The following A2M variants were observed in gnomAD, a reference collection of about 807,000 sequenced individuals.
A2M encodes C3 and PZP-like alpha-2-macroglobulin domain-containing protein 5.
Under a neutral mutation model 183.9 loss-of-function variants are expected in A2M, and 128 were observed. The observed-to-expected ratio is 0.70, with a 90% confidence interval of 0.60 to 0.81. A2M has a LOEUF of 0.81. A2M is among the 30% of genes least tolerant of loss of function. The probability of loss-of-function intolerance (pLI) is 0.00; values close to 1 mark genes in which losing one functional copy is unlikely to be tolerated. For missense variants in A2M, 1,495 were observed against 1,787.6 expected (o/e 0.84, Z 2.95); for synonymous variants, 592 against 670.8 (o/e 0.88, Z 1.81).
At chr12:9,101,728 T>G in intron 11 of A2M, 54 bp from the exon 12 acceptor site, 1 of 1,386,088 alleles carries the variant, frequency 7.2e-7, no homozygotes, top group Non-Finnish European at 9.9e-7. Context: ...TAAAGATTAA[T>G]GTTCTCACAA....
chr12:9,097,632 CTTT>C (rs34844537), intron 15 of A2M, among the ~76,000 whole-genome samples: 34 of 127,074 alleles, frequency 2.7e-4, no homozygotes, highest in Admixed American at 3.3e-4. Context: ...TGATGTAATT[CTTT>C]TTTTTTTTTT....
intron 2 of A2M, 193 bp from the exon 3 acceptor site, chr12:9,112,729 G>A (rs1053418148): frequency 1.9e-5 from 11 of 584,188 alleles, no homozygotes; most frequent in Admixed American, 3.0e-5. Flanking sequence ...ACAAGGTGGA[G>A]GAAAATAAAT....
intron 16 of A2M, 98 bp from the exon 17 acceptor site, chr12:9,095,182 CTTAAA>C (rs1323843601): frequency 5.0e-5 from 31 of 624,116 alleles, no homozygotes; most frequent in Middle Eastern, 4.3e-4. Flanking sequence ...ATCCAGTTAA[CTTAAA>C]TTAAACTTTT....
chr12:9,083,088 C>T (rs1189947963), intron 22 of A2M, among the ~76,000 whole-genome samples: 2 of 152,122 alleles, frequency 1.3e-5, no homozygotes, highest in Admixed American at 1.3e-4. Flanking sequence ...CTGTTGTTTC[C>T]TGGGACATGG....
At chr12:9,112,780 G>A in intron 2 of A2M, 1 of 485,444 alleles carries the variant, frequency 2.1e-6, no homozygotes, top group Non-Finnish European at 3.7e-6. Context: ...CCTTCATACA[G>A]CTCACAGAAA....
intron 6 of A2M, 95 bp downstream of exon 6, chr12:9,109,772 G>T: frequency 8.0e-7 from 1 of 1,252,244 alleles, no homozygotes; most frequent in Non-Finnish European, 1.1e-6. Context: ...TGTCACCCAT[G>T]GGAAATGGAA....
At chr12:9,093,653 C>G (rs201074830) in intron 17 of A2M, 74 bp from the exon 18 acceptor site, 3 of 751,118 alleles carry the variant, frequency 4.0e-6, no homozygotes, top group African/African-American at 3.8e-5. Context: ...ATAGTTGCCA[C>G]CAAAAAAAAA....
At chr12:9,070,045 G>A (rs1312458435) in intron 32 of A2M, among the ~76,000 whole-genome samples, 1 of 152,238 alleles carries the variant, frequency 6.6e-6, no homozygotes, top group Non-Finnish European at 1.5e-5. Flanking sequence ...AGACAGCTAA[G>A]TATCCTAAAC....
In A2M at chr12:9,079,306, T is replaced by A; in HGVS notation, c.3057A>T (p.Lys1019Asn). 6.2e-7 allele frequency: 1 copy of A among 1,613,784 alleles called. No homozygotes were observed. Among genetic ancestry groups the A allele is most frequent in the Non-Finnish European group, 8.5e-7 (1 of 1,179,798 alleles). The change falls in exon 25 of 36, where the codon AAA becomes AAT. Residue 1019 changes from lysine (K) to asparagine (N), a missense_variant. Physicochemically the swap from Lys to Asn is moderately conservative, Grantham distance 94 (BLOSUM62 0). Coordinates refer to ENST00000318602, the MANE Select transcript of A2M (RefSeq NM_000014.6). Reference sequence around the variant, plus strand: ...AGGTGCTGTAGGAGCCATCATAGTGTTTGTAGTTCAACTGTCTCTGGTAAC... The same window carrying A: ...AGGTGCTGTAGGAGCCATCATAGTGATTGTAGTTCAACTGTCTCTGGTAAC... ...NTGYQRQLNY[K>N]HYDGSYSTFG...
At chr12:9,103,104 A>G (rs1352212129) in intron 11 of A2M, among the ~76,000 whole-genome samples, 1 of 152,194 alleles carries the variant, frequency 6.6e-6, no homozygotes, top group African/African-American at 2.4e-5. Context: ...GAATAGCAAG[A>G]CAAAATAAAG....
intron 4 of A2M, among the ~76,000 whole-genome samples, chr12:9,110,640 C>T (rs1383978055): frequency 6.6e-6 from 1 of 151,666 alleles, no homozygotes; most frequent in Non-Finnish European, 1.5e-5. Context: ...TTATCATGCA[C>T]TGCATGCCTG....
At chr12:9,078,093 G>A (rs1342268726) in intron 25 of A2M, among the ~76,000 whole-genome samples, 6 of 152,056 alleles carry the variant, frequency 3.9e-5, no homozygotes, top group South Asian at 4.2e-4. Context: ...TTTTAGTTCC[G>A]AGATACATGT....
chr12:9,072,512 G>GT, intron 30 of A2M, 26 bp from the exon 31 acceptor site: 1 of 1,604,428 alleles, frequency 6.2e-7, no homozygotes, highest in Non-Finnish European at 8.5e-7. Flanking sequence ...GACAAAATCA[G>GT]TTTTTTGCCC....
chr12:9,101,905 G>C (rs1433457996), intron 11 of A2M, among the ~76,000 whole-genome samples: 1 of 152,054 alleles, frequency 6.6e-6, no homozygotes, highest in African/African-American at 2.4e-5. Context: ...TATTTCTTAA[G>C]AGCATAAAAG....
intron 14 of A2M, 128 bp from the exon 15 acceptor site, chr12:9,098,884 T>C: frequency 9.9e-7 from 1 of 1,005,382 alleles, no homozygotes; most frequent in Non-Finnish European, 1.4e-6. Context: ...AGGGTTGGCA[T>C]TGTGTCAATC....
In A2M at chr12:9,101,139, C is replaced by A; in HGVS notation, c.1558+5G>T. The A allele has an allele frequency of 6.4e-7, 1 of 1,558,134 alleles. No individual in the cohort carries two copies. The highest frequency in any genetic ancestry group is 8.7e-7 in the Non-Finnish European group (1 of 1,150,258). ...CAGCAATGCAGAGATGATGGAAATA[C>A]TCACTGTCTTCCTGCTTCACAAGCA... On this transcript the variant is annotated splice_donor_5th_base_variant and intron_variant, in intron 13 of 35. Coordinates refer to ENST00000318602, the MANE Select transcript of A2M (RefSeq NM_000014.6).
chr12:9,101,756 G>A, intron 11 of A2M, 82 bp from the exon 12 acceptor site: 2 of 1,113,936 alleles, frequency 1.8e-6, no homozygotes, highest in Non-Finnish European at 2.6e-6. Flanking sequence ...TAAGTTTACT[G>A]TCCTACCTTA....
chr12:9,068,787 C>A lies in A2M; in HGVS notation c.4319G>T (p.Arg1440Ile). ...TTTCACTATGGCTGGTTTCAGATCT[C>A]TTACTGGGACATCTTGCAGAACCGT... ...FFTVLQDVPV[R>I]DLKPAIVKVY... The change falls in exon 34 of 36, where the codon AGA becomes ATA. Residue 1440 changes from arginine (R) to isoleucine (I), a missense_variant. Arg to Ile is a moderately conservative substitution (Grantham distance 97). Transcript: ENST00000318602. The A allele has an allele frequency of 6.2e-7, 1 of 1,609,336 alleles. No homozygotes were observed. The highest frequency in any genetic ancestry group is 1.1e-5 in the South Asian group (1 of 89,544).
At chr12:9,096,771 T>C (rs1400561248) in intron 15 of A2M, among the ~76,000 whole-genome samples, 1 of 152,248 alleles carries the variant, frequency 6.6e-6, no homozygotes, top group Non-Finnish European at 1.5e-5. Context: ...CTCTCCCTGC[T>C]TTTATTGTGG....
Sources: gnomAD v4.1 joint callset for allele counts (sites outside exome capture counted in the v4.1 genomes callset) on GRCh38, gnomAD v4.1.1 for gene constraint, MANE v1.5 for transcripts, NCBI Gene and HGNC (gene_info 2026-07-23, HGNC 2026-07-21) for gene names.